Variants in FRMD6 observed in about 807,000 individuals in gnomAD.
FRMD6 encodes FERM domain containing 6.
In FRMD6, 37 loss-of-function variants were observed where a neutral mutation model predicts 73.2. The observed-to-expected ratio is 0.51, with a 90% CI of 0.39 to 0.66. The LOEUF (loss-of-function observed/expected upper bound fraction) is 0.66, where lower values mean the gene tolerates loss of function less well. Among genes scored for constraint, FRMD6 ranks in the 30% least tolerant of loss-of-function variants. FRMD6 has a pLI of 0.00. For missense variants in FRMD6, 714 were observed against 780.5 expected (o/e 0.91, Z 1.02); for synonymous variants, 273 against 282.2 (o/e 0.97, Z 0.33).
chr14:51,450,462 G>T, the FRMD6 span, among the ~76,000 whole-genome samples: 1 of 152,058 alleles, frequency 6.6e-6, no homozygotes, highest in Admixed American at 6.6e-5. Flanking sequence ...AAAAACAAAT[G>T]CCTAGAAGCT....
the FRMD6 span, among the ~76,000 whole-genome samples, chr14:51,477,597 GA>G: frequency 2.0e-5 from 3 of 151,666 alleles, no homozygotes; most frequent in African/African-American, 4.8e-5. Context: ...AGATGCTGTT[GA>G]AAAAAAATTT....
At chr14:51,687,539 T>G (rs112674324) in intron 1 of FRMD6, among the ~76,000 whole-genome samples, 1,823 of 152,082 alleles carry the variant, frequency 0.012, 34 homozygotes, top group African/African-American at 0.042. Flanking sequence ...TATAGGACCT[T>G]AATAGATATG....
chr14:51,512,107 G>T (rs142641368), intron 1 of FRMD6, among the ~76,000 whole-genome samples: 177 of 152,156 alleles, frequency 1.2e-3, no homozygotes, highest in African/African-American at 3.8e-3. Context: ...TTTGGGTCTT[G>T]CCTCTGTGAT....
the FRMD6 span, among the ~76,000 whole-genome samples, chr14:51,445,715 G>A: frequency 2.0e-5 from 3 of 152,126 alleles, no homozygotes; most frequent in African/African-American, 7.2e-5. Flanking sequence ...ATCTCCCCAA[G>A]TGCTACTCAT....
At chr14:51,572,111 C>G (rs890473798) in intron 2 of FRMD6, among the ~76,000 whole-genome samples, 2 of 152,338 alleles carry the variant, frequency 1.3e-5, no homozygotes, top group Admixed American at 1.3e-4. Context: ...GCATTAGGGA[C>G]GTGATAAAAT....
the FRMD6 span, among the ~76,000 whole-genome samples, chr14:51,440,503 A>T: frequency 6.6e-6 from 1 of 152,200 alleles, no homozygotes; most frequent in Admixed American, 6.5e-5. Flanking sequence ...GTTGAATCCA[A>T]CTTCCCTTGT....
At chr14:51,593,844 T>C (rs970483337) in intron 2 of FRMD6, among the ~76,000 whole-genome samples, 1 of 152,166 alleles carries the variant, frequency 6.6e-6, no homozygotes, top group Non-Finnish European at 1.5e-5. Context: ...CATATATCTA[T>C]ATATACATAC....
chr14:51,676,599 T>TC (rs1894408250), intron 1 of FRMD6, among the ~76,000 whole-genome samples: 1 of 152,198 alleles, frequency 6.6e-6, no homozygotes, highest in South Asian at 2.1e-4. Flanking sequence ...AGTTTAATTA[T>TC]CAGTATGTGA....
chr14:51,537,645 G>A (rs1008857827), intron 1 of FRMD6, among the ~76,000 whole-genome samples: 5 of 152,184 alleles, frequency 3.3e-5, no homozygotes, highest in African/African-American at 1.2e-4. Flanking sequence ...GAGAGTTCCT[G>A]TTGCTCCACA....
chr14:51,640,873 T>C (rs1401456327), intron 2 of FRMD6, among the ~76,000 whole-genome samples: 1 of 152,208 alleles, frequency 6.6e-6, no homozygotes, highest in East Asian at 1.9e-4. Flanking sequence ...AAATAAAATT[T>C]AGCAAATTAT....
intron 1 of FRMD6, among the ~76,000 whole-genome samples, chr14:51,569,199 A>G (rs1887961780): frequency 1.3e-5 from 2 of 152,176 alleles, no homozygotes; most frequent in Non-Finnish European, 2.9e-5. Context: ...CACAAACGCT[A>G]CACAGACGTG....
At chr14:51,424,444 A>C in the FRMD6 span, among the ~76,000 whole-genome samples, 1 of 152,206 alleles carries the variant, frequency 6.6e-6, no homozygotes, top group African/African-American at 2.4e-5. Context: ...CTTCATTGTG[A>C]AGGTAGAGAG....
chr14:51,634,904 A>G (rs938475478), intron 2 of FRMD6, among the ~76,000 whole-genome samples: 127 of 152,254 alleles, frequency 8.3e-4, no homozygotes, highest in African/African-American at 3.0e-3. Context: ...AATAGAGTCA[A>G]TTTTCTGGTT....
At chr14:51,460,405 C>T in the FRMD6 span, among the ~76,000 whole-genome samples, 22 of 152,144 alleles carry the variant, frequency 1.4e-4, no homozygotes, top group African/African-American at 5.1e-4. Flanking sequence ...TTTCAATATA[C>T]CTACAATTAA....
intron 1 of FRMD6, among the ~76,000 whole-genome samples, chr14:51,534,226 A>G (rs1400538808): frequency 6.6e-6 from 1 of 152,196 alleles, no homozygotes; most frequent in Non-Finnish European, 1.5e-5. Context: ...GTTTTCTCGA[A>G]CCACATGCTT....
chr14:51,400,004 G>GTA, the FRMD6 span, among the ~76,000 whole-genome samples: 1,357 of 150,606 alleles, frequency 9.0e-3, 23 homozygotes, highest in African/African-American at 0.031. Context: ...AAAAATAATT[G>GTA]TATATATATA....
intron 8 of FRMD6, among the ~76,000 whole-genome samples, chr14:51,712,013 G>T (rs1448510830): frequency 1.3e-5 from 2 of 152,258 alleles, no homozygotes; most frequent in South Asian, 4.1e-4. Flanking sequence ...TTATACTTTA[G>T]TGATGAAACT....
chr14:51,686,698 G>A (rs184654687), intron 1 of FRMD6, among the ~76,000 whole-genome samples: 1 of 152,204 alleles, frequency 6.6e-6, no homozygotes, highest in East Asian at 1.9e-4. Context: ...GGACAGGAAA[G>A]GGTTGCCCTG....
intron 1 of FRMD6, among the ~76,000 whole-genome samples, chr14:51,522,628 T>A (rs1018497236): frequency 6.6e-6 from 1 of 152,200 alleles, no homozygotes. Context: ...CTCAGCATCA[T>A]AAAAATATCA....
Sources: allele counts gnomAD v4.1 joint callset (sites outside exome capture counted in the v4.1 genomes callset), GRCh38; gene constraint gnomAD v4.1.1; transcripts MANE v1.5; gene names NCBI Gene and HGNC (gene_info 2026-07-23, HGNC 2026-07-21).